The following MRE11 variants were observed in gnomAD, a reference collection of about 807,000 sequenced individuals.
MRE11 encodes MRE11 double strand break repair nuclease, also known as double-strand break repair protein MRE11.
In MRE11, 62 loss-of-function variants were observed where a neutral mutation model predicts 91.7. That is an observed-to-expected ratio of 0.68 (90% CI 0.55 to 0.84). MRE11 has a LOEUF of 0.84. MRE11 is among the 40% of genes least tolerant of loss of function. The pLI is 0.00. For synonymous variants in MRE11, 273 were observed against 271.4 expected (o/e 1.01, Z -0.06); for missense variants, 796 against 852.9 (o/e 0.93, Z 0.83).
intron 4 of MRE11, among the ~76,000 whole-genome samples, chr11:94,485,574 T>C (rs999751079): frequency 6.6e-6 from 1 of 150,792 alleles, no homozygotes. Flanking sequence ...AAATGTACAA[T>C]ATAAACCTGA....
intron 18 of MRE11, among the ~76,000 whole-genome samples, chr11:94,432,800 C>T (rs1470849605): frequency 2.0e-5 from 3 of 152,094 alleles, no homozygotes; most frequent in South Asian, 2.1e-4. Context: ...AGCGAGACTC[C>T]GTCTCAAAAA....
rs536776210 is a variant in MRE11 at position 94,442,476 on chromosome 11, CA to C, written c.1867+3333del. Among the ~76,000 whole-genome samples the C allele has an allele frequency of 1.5e-4, 23 of 150,920 alleles. No individual in the cohort carries two copies. In the South Asian group the frequency reaches 4.6e-3, roughly 30 times the overall value. On this transcript the variant is annotated intron_variant, in intron 16 of 19. Transcript: ENST00000323929. ...CTGGATTCCACAGGACACAAAAACACAAAAACAAAAAAGAAAAATAAAACAA... is the reference window on the plus strand; with the variant it reads ...CTGGATTCCACAGGACACAAAAACACAAAACAAAAAAGAAAAATAAAACAA...
chr11:94,480,704 G>A (rs1220223527), intron 4 of MRE11, among the ~76,000 whole-genome samples: 3 of 152,226 alleles, frequency 2.0e-5, no homozygotes, highest in Non-Finnish European at 4.4e-5. Context: ...CAGTGCACAA[G>A]AGGGACAGTT....
intron 15 of MRE11, among the ~76,000 whole-genome samples, chr11:94,446,187 C>T (rs1945925216): frequency 6.6e-6 from 1 of 152,142 alleles, no homozygotes; most frequent in Non-Finnish European, 1.5e-5. Flanking sequence ...GCGGGAGGAT[C>T]ACTTGAGGTC....
Position 94,463,598 on chromosome 11 carries a change from G to A in MRE11, c.1225+515C>T, listed in dbSNP as rs183289848. 5.8e-3 allele frequency among the ~76,000 whole-genome samples: 879 copies of A among 152,278 alleles called. 5 individuals carry two copies. The highest frequency in any genetic ancestry group is 0.019 in the African/African-American group (797 of 41,556). On this transcript the variant is annotated intron_variant, in intron 11 of 19. Coordinates refer to ENST00000323929, the MANE Select transcript of MRE11 (RefSeq NM_005591.4). Reference sequence around the variant, plus strand: ...CATATACACTATGGAATACTATGCAGCCATAAAAAATGATGAGTTCATGTC... The same window carrying A: ...CATATACACTATGGAATACTATGCAACCATAAAAAATGATGAGTTCATGTC...
At chr11:94,466,510 CA>C (rs772307139) in intron 10 of MRE11, 2 of 531,462 alleles carry the variant, frequency 3.8e-6, no homozygotes, top group Admixed American at 3.9e-5. Context: ...TTGGTTGGTG[CA>C]CAAGTAACTG....
chr11:94,458,071 T>A (rs962557668), intron 13 of MRE11, among the ~76,000 whole-genome samples: 1 of 152,114 alleles, frequency 6.6e-6, no homozygotes, highest in African/African-American at 2.4e-5. Flanking sequence ...GAGGGTGAAC[T>A]GCCTGTCCTA....
At chr11:94,443,613 T>C (rs1945844639) in intron 16 of MRE11, among the ~76,000 whole-genome samples, 1 of 152,206 alleles carries the variant, frequency 6.6e-6, no homozygotes, top group Non-Finnish European at 1.5e-5. Context: ...TGTTTCTAGC[T>C]ATTCCCATCC....
At chr11:94,421,272 T>G (rs1302190600) in intron 19 of MRE11, among the ~76,000 whole-genome samples, 1 of 152,200 alleles carries the variant, frequency 6.6e-6, no homozygotes, top group Non-Finnish European at 1.5e-5. Context: ...TTAAAAGAAA[T>G]TAAAAGAAAT....
Position 94,435,823 on chromosome 11 carries a change from T to C in MRE11, c.1994+9A>G, listed in dbSNP as rs1401267989. On this transcript the variant is annotated intron_variant, in intron 18 of 19. Coordinates refer to ENST00000323929, the MANE Select transcript of MRE11 (RefSeq NM_005591.4). ...AGATGTTTCTTTTGCAGAAAATCACTGCACCTACCTTTGATCTGTCTTTGA... is the reference window on the plus strand; with the variant it reads ...AGATGTTTCTTTTGCAGAAAATCACCGCACCTACCTTTGATCTGTCTTTGA... The C allele has an allele frequency of 4.3e-6, 7 of 1,610,572 alleles. No homozygotes were observed. The highest frequency in any genetic ancestry group is 5.9e-6 in the Non-Finnish European group (7 of 1,177,058).
intron 3 of MRE11, among the ~76,000 whole-genome samples, chr11:94,487,118 G>A (rs1244816414): frequency 3.9e-5 from 6 of 152,130 alleles, no homozygotes; most frequent in Non-Finnish European, 7.3e-5. Flanking sequence ...ACATACTGGG[G>A]CGAAAAGAAG....
intron 11 of MRE11, among the ~76,000 whole-genome samples, chr11:94,463,618 C>T (rs2135016688): frequency 6.6e-6 from 1 of 152,264 alleles, no homozygotes; most frequent in South Asian, 2.1e-4. Context: ...ATGATGAGTT[C>T]ATGTCCTTTG....
At chr11:94,504,904 T>G in the MRE11 span, among the ~76,000 whole-genome samples, 4 of 152,214 alleles carry the variant, frequency 2.6e-5, no homozygotes, top group Non-Finnish European at 5.9e-5. Context: ...GTTGGTCTTT[T>G]CCATTTACAG....
chr11:94,456,147 C>A, intron 14 of MRE11, 129 bp downstream of exon 14: 1 of 765,126 alleles, frequency 1.3e-6, no homozygotes, highest in South Asian at 1.6e-5. Context: ...CAAAAGCAGC[C>A]ATCCTAAGCC....
chr11:94,448,128 C>CA (rs1945992505), intron 14 of MRE11, among the ~76,000 whole-genome samples: 1 of 151,972 alleles, frequency 6.6e-6, no homozygotes, highest in African/African-American at 2.4e-5. Context: ...AAAAAACTTA[C>CA]AAAAAATAGC....
In MRE11 at chr11:94,417,685, C is replaced by T. The variant is rs901938197; in HGVS notation, c.*2440G>A. ...TCCAGGACACTGCGCTATTTCTTGA[C>T]CTGTAGAGGGATTCCATCAGTGCTC... On this transcript the variant is annotated 3_prime_UTR_variant, in exon 20 of 20. Coordinates refer to ENST00000323929, the MANE Select transcript of MRE11 (RefSeq NM_005591.4). 4.3e-6 allele frequency: 1 copy of T among 232,880 alleles called. No individual in the cohort carries two copies. The highest frequency in any genetic ancestry group is 2.2e-5 in the African/African-American group (1 of 45,334). The allele number at this position is 232,880 out of a possible 1,614,324, so 14.4% of individuals were successfully genotyped here.
chr11:94,460,807 T>C lies in MRE11; in HGVS notation c.1326+129A>G. 3 of 771,958 alleles carry C rather than the reference T, an allele frequency of 3.9e-6. No individual in the cohort carries two copies. The South Asian group carries it at 4.8e-5, about 12-fold the overall frequency. 47.8% of individuals were successfully genotyped at this position (771,958 alleles called of 1,614,324 possible). On this transcript the variant is annotated intron_variant, in intron 12 of 19. Transcript: ENST00000323929. The stretch of plus-strand genomic sequence containing the variant: ...AACTGCAAATGAATGTAATTAATTG[T>C]CACCCTACTTACTTCATAGAAACAT...
intron 6 of MRE11, 140 bp from the exon 7 acceptor site, chr11:94,476,543 A>C (rs760861044): frequency 1.6e-6 from 1 of 644,270 alleles, no homozygotes; most frequent in African/African-American, 1.8e-5. Flanking sequence ...GGAATAATTT[A>C]TAAGTGGGTA....
chr11:94,476,259 G>C lies in MRE11; in HGVS notation c.659+30C>G, dbSNP rs11020795. 1,556 of 1,463,586 alleles carry C rather than the reference G, an allele frequency of 1.1e-3. 10 individuals are homozygous for C. In the African/African-American group the frequency reaches 0.019, roughly 18 times the overall value. 90.7% of individuals were successfully genotyped at this position (1,463,586 alleles called of 1,614,324 possible). ...ACAGATTTGGGAAGCCTCAGCACTTGGCTCAAACTTTTTCAGAGAAAAGTT... is the reference window on the plus strand; with the variant it reads ...ACAGATTTGGGAAGCCTCAGCACTTCGCTCAAACTTTTTCAGAGAAAAGTT... On this transcript the variant is annotated intron_variant, in intron 7 of 19. Coordinates refer to ENST00000323929, the MANE Select transcript of MRE11 (RefSeq NM_005591.4).
Sources: allele counts gnomAD v4.1 joint callset (sites outside exome capture counted in the v4.1 genomes callset), GRCh38; gene constraint gnomAD v4.1.1; transcripts MANE v1.5; gene names NCBI Gene and HGNC (gene_info 2026-07-23, HGNC 2026-07-21).